The following LNPEP variants were observed in gnomAD, a reference collection of about 807,000 sequenced individuals.
The protein encoded by LNPEP is leucyl and cystinyl aminopeptidase, also known as leucyl-cystinyl aminopeptidase.
A neutral mutation model predicts 120.6 loss-of-function variants in LNPEP; 64 were observed. The observed-to-expected ratio is 0.53, with a 90% CI of 0.43 to 0.65. LNPEP has a LOEUF of 0.65. Ranked by LOEUF, LNPEP falls within the 30% of genes least tolerant of loss-of-function variation. The probability of loss-of-function intolerance (pLI) is 0.00; values close to 1 mark genes in which losing one functional copy is unlikely to be tolerated. For missense variants in LNPEP, 1,057 were observed against 1,200.0 expected (o/e 0.88, Z 1.76); for synonymous variants, 435 against 425.4 (o/e 1.02, Z -0.28).
intron 1 of LNPEP, among the ~76,000 whole-genome samples, chr5:96,972,206 C>T (rs556367177): frequency 4.6e-5 from 7 of 152,016 alleles, no homozygotes; most frequent in African/African-American, 7.2e-5. Flanking sequence ...TTATCAGGCT[C>T]CTCTAACTTA....
At chr5:97,006,785 T>G (rs1790798027) in intron 11 of LNPEP, among the ~76,000 whole-genome samples, 1 of 152,212 alleles carries the variant, frequency 6.6e-6, no homozygotes, top group Admixed American at 6.5e-5. Flanking sequence ...TACCCAAGAT[T>G]AATATTTTGT....
chr5:97,011,331 C>G (rs1790922058), intron 11 of LNPEP: 1 of 287,654 alleles, frequency 3.5e-6, no homozygotes, highest in African/African-American at 2.3e-5. Context: ...TAGTTGACCT[C>G]AAGTGATACT....
chr5:96,941,589 C>G (rs1191995870), intron 1 of LNPEP, among the ~76,000 whole-genome samples: 6 of 152,044 alleles, frequency 3.9e-5, no homozygotes, highest in African/African-American at 1.2e-4. Flanking sequence ...TGTGGTGGTA[C>G]AGTTCTTTTT....
rs74938838 is a variant in LNPEP at position 96,961,628 on chromosome 5, A to G, written c.20-17510A>G. On this transcript the variant is annotated intron_variant, in intron 1 of 17. Coordinates refer to ENST00000231368, the MANE Select transcript of LNPEP (RefSeq NM_005575.3). ...GTTCATCCCTCAGTATCCTCTGAGG[A>G]TTGGTTCCAGGATCCCCTCCCCCCT... Among the ~76,000 whole-genome samples the G allele has an allele frequency of 4.0e-3, 615 of 152,198 alleles. 6 individuals carry two copies. The highest frequency in any genetic ancestry group is 0.014 in the African/African-American group (577 of 41,518).
chr5:96,991,083 CA>C (rs1242492314), intron 4 of LNPEP, among the ~76,000 whole-genome samples: 1 of 152,164 alleles, frequency 6.6e-6, no homozygotes, highest in Non-Finnish European at 1.5e-5. Context: ...TCCATGTTCC[CA>C]AAGTCCATTG....
intron 13 of LNPEP, among the ~76,000 whole-genome samples, chr5:97,017,354 G>A (rs562983937): frequency 6.6e-6 from 1 of 151,798 alleles, no homozygotes; most frequent in Non-Finnish European, 1.5e-5. Flanking sequence ...TAAGAGTTCT[G>A]TATATATCCT....
chr5:97,019,167 T>G (rs1791131068), intron 13 of LNPEP, among the ~76,000 whole-genome samples: 1 of 152,234 alleles, frequency 6.6e-6, no homozygotes, highest in African/African-American at 2.4e-5. Context: ...TTGTTGTTAT[T>G]GCATTTTATT....
In LNPEP at chr5:97,013,837, G is replaced by A. The variant is rs1388788172; in HGVS notation, c.2219+6G>A. 2.6e-6 allele frequency: 4 copies of A among 1,566,100 alleles called. No individual in the cohort carries two copies. The highest frequency in any genetic ancestry group is 2.6e-6 in the Non-Finnish European group (3 of 1,160,110). On this transcript the variant is annotated splice_donor_region_variant and intron_variant, in intron 12 of 17. Transcript: ENST00000231368. ...AACATCTTTGAACTTGCAGGGTAGA[G>A]TATACTTAGTTTGAGATTTTTTCTT...
intron 1 of LNPEP, among the ~76,000 whole-genome samples, chr5:96,938,635 C>T (rs2112552170): frequency 1.3e-5 from 2 of 152,236 alleles, no homozygotes; most frequent in Middle Eastern, 6.8e-3. Flanking sequence ...TTGGGCCCTG[C>T]TCTCTACCTG....
chr5:97,032,923 C>T lies in LNPEP; in HGVS notation c.*4390C>T, dbSNP rs2112683216. 6.6e-6 allele frequency: 1 copy of T among 152,158 alleles called. No homozygotes were observed. The highest frequency in any genetic ancestry group is 1.9e-4 in the East Asian group (1 of 5,172). 9.4% of individuals were successfully genotyped at this position (152,158 alleles called of 1,614,324 possible). A position where few individuals can be genotyped will look rare whatever the true frequency, so the allele number is the denominator to read the frequency against. On this transcript the variant is annotated 3_prime_UTR_variant, in exon 18 of 18. Coordinates refer to ENST00000231368, the MANE Select transcript of LNPEP (RefSeq NM_005575.3). ...TTTCAAGTGTGTATAAATATTGTGC[C>T]ACCTTTTTATACTTCATTTTATACT...
Position 97,036,235 on chromosome 5 carries a change from T to G in LNPEP, c.*7702T>G, listed in dbSNP as rs191786975. 6.6e-6 allele frequency: 1 copy of G among 152,236 alleles called. No individual in the cohort carries two copies. The highest frequency in any genetic ancestry group is 1.9e-4 in the East Asian group (1 of 5,180). The allele number at this position is 152,236 out of a possible 1,614,324, so 9.4% of individuals were successfully genotyped here. On this transcript the variant is annotated 3_prime_UTR_variant, in exon 18 of 18. Coordinates refer to ENST00000231368, the MANE Select transcript of LNPEP (RefSeq NM_005575.3). ...ATGAATAGAACATGAGCCCCAAAAC[T>G]AAATCCAAAAGGAATTTTCTATCTT...
At chr5:96,985,031 G>A (rs780774022) in intron 2 of LNPEP, 49 bp from the exon 3 acceptor site, 22 of 1,603,300 alleles carry the variant, frequency 1.4e-5, no homozygotes, top group Non-Finnish European at 1.5e-5. Context: ...AGGGTGCCTT[G>A]TACAGTAGGT....
In LNPEP at chr5:97,013,628, AT is replaced by A. The variant is rs747669436; in HGVS notation, c.2036-13del. On this transcript the variant is annotated intron_variant, in intron 11 of 17. Transcript: ENST00000231368. ...CAATTGTCTTCTCTCTCAATCTCTCATTTTTTTGGTTTCCATTAGGTGTCAT... is the reference window on the plus strand; with the variant it reads ...CAATTGTCTTCTCTCTCAATCTCTCATTTTTTGGTTTCCATTAGGTGTCAT... 14 of 1,385,452 alleles carry A rather than the reference AT, an allele frequency of 1.0e-5. No individual in the cohort carries two copies. Among genetic ancestry groups the A allele is most frequent in the South Asian group, 7.6e-5 (4 of 52,880 alleles). 85.8% of individuals were successfully genotyped at this position (1,385,452 alleles called of 1,614,324 possible). A position where few individuals can be genotyped will look rare whatever the true frequency, so the allele number is the denominator to read the frequency against.
Position 97,007,985 on chromosome 5 carries a change from A to T in LNPEP, c.2035+1470A>T, listed in dbSNP as rs188779952. Among the ~76,000 whole-genome samples, 7 of 152,294 alleles carry T rather than the reference A, an allele frequency of 4.6e-5. No homozygotes were observed. The East Asian group carries it at 1.4e-3, about 29-fold the overall frequency. Reference sequence around the variant, plus strand: ...ATAGTGGAGTGTTAAAGCAGCAACAATCTAATTATTTAAAATCCTAGTGGT... The same window carrying T: ...ATAGTGGAGTGTTAAAGCAGCAACATTCTAATTATTTAAAATCCTAGTGGT... On this transcript the variant is annotated intron_variant, in intron 11 of 17. Coordinates refer to ENST00000231368, the MANE Select transcript of LNPEP (RefSeq NM_005575.3).
chr5:96,996,346 A>G, intron 6 of LNPEP, 44 bp from the exon 7 acceptor site: 1 of 1,071,396 alleles, frequency 9.3e-7, no homozygotes, highest in Non-Finnish European at 1.5e-6. Context: ...AAAATTCCTG[A>G]GGCTGTAAAT....
intron 1 of LNPEP, among the ~76,000 whole-genome samples, chr5:96,970,849 ATTT>A (rs1561435819): frequency 2.6e-5 from 4 of 151,704 alleles, no homozygotes; most frequent in Non-Finnish European, 5.9e-5. Flanking sequence ...GTTGTCTTTT[ATTT>A]TTTGGTTTTA....
intron 2 of LNPEP, among the ~76,000 whole-genome samples, chr5:96,980,700 G>A (rs896112598): frequency 1.3e-5 from 2 of 152,098 alleles, no homozygotes; most frequent in Non-Finnish European, 2.9e-5. Context: ...GTTGTCTTGT[G>A]CACAAAATCC....
Position 97,035,581 on chromosome 5 carries a change from G to A in LNPEP, c.*7048G>A, listed in dbSNP as rs1046359411. ...ATTTCCTCACTTAGCAGTAGCTAGT[G>A]TAGTTATTTTGTGGTTATTTTATTT... On this transcript the variant is annotated 3_prime_UTR_variant, in exon 18 of 18. Transcript: ENST00000231368. 1.3e-5 allele frequency: 2 copies of A among 152,148 alleles called. No individual in the cohort carries two copies. Among genetic ancestry groups the A allele is most frequent in the Non-Finnish European group, 2.9e-5 (2 of 68,018 alleles). The allele number at this position is 152,148 out of a possible 1,614,324, so 9.4% of individuals were successfully genotyped here. A position where few individuals can be genotyped will look rare whatever the true frequency, so the allele number is the denominator to read the frequency against.
At chr5:97,027,962 G>A (rs1374866537) in intron 17 of LNPEP, 148 bp downstream of exon 17, 6 of 621,332 alleles carry the variant, frequency 9.7e-6, no homozygotes, top group Non-Finnish European at 1.7e-5. Flanking sequence ...ATTCTGCATT[G>A]TGATTACTTC....
Sources: allele counts gnomAD v4.1 joint callset (sites outside exome capture counted in the v4.1 genomes callset), GRCh38; gene constraint gnomAD v4.1.1; transcripts MANE v1.5; gene names NCBI Gene and HGNC (gene_info 2026-07-23, HGNC 2026-07-21).